Variants in NKAIN2 observed in about 807,000 individuals in gnomAD.
NKAIN2 encodes sodium/potassium-transporting ATPase subunit beta-1-interacting protein 2.
Under a neutral mutation model 32.6 loss-of-function variants are expected in NKAIN2, and 14 were observed. That is an observed-to-expected ratio of 0.43 (90% CI 0.28 to 0.67). The LOEUF (loss-of-function observed/expected upper bound fraction) is 0.67, where lower values mean the gene tolerates loss of function less well. Ranked by LOEUF, NKAIN2 falls within the 30% of genes least tolerant of loss-of-function variation. The pLI, the probability that NKAIN2 is intolerant of heterozygous loss-of-function variation, is 0.17. For missense variants in NKAIN2, 198 were observed against 258.3 expected (o/e 0.77, Z 1.60); for synonymous variants, 80 against 87.2 (o/e 0.92, Z 0.46).
At chr6:124,393,268 A>G (rs544878193) in intron 3 of NKAIN2, among the ~76,000 whole-genome samples, 2 of 152,120 alleles carry the variant, frequency 1.3e-5, no homozygotes, top group African/African-American at 4.8e-5. Context: ...CATTAGCATC[A>G]TCGTTACACA....
intron 5 of NKAIN2, among the ~76,000 whole-genome samples, chr6:124,797,845 A>G (rs1780071009): frequency 6.6e-6 from 1 of 152,162 alleles, no homozygotes; most frequent in Admixed American, 6.6e-5. Context: ...TCCCCTTGAA[A>G]AAAATATTTG....
At chr6:124,616,297 T>C (rs1249831813) in intron 3 of NKAIN2, among the ~76,000 whole-genome samples, 1 of 152,088 alleles carries the variant, frequency 6.6e-6, no homozygotes, top group Non-Finnish European at 1.5e-5. Flanking sequence ...AGTTGTTATT[T>C]GCAGGAAGTG....
chr6:124,380,231 C>T (rs62434754), intron 3 of NKAIN2, among the ~76,000 whole-genome samples: 3,665 of 152,140 alleles, frequency 0.024, 96 homozygotes, highest in Non-Finnish European at 0.034. Context: ...CATTTAGGTT[C>T]GGGATTTCCT....
At chr6:124,345,485 G>C (rs1027134536) in intron 2 of NKAIN2, among the ~76,000 whole-genome samples, 2 of 152,040 alleles carry the variant, frequency 1.3e-5, no homozygotes, top group Non-Finnish European at 2.9e-5. Flanking sequence ...TGGTTGGTAA[G>C]CTATTGATTA....
At chr6:123,972,946 T>C (rs1778408320) in intron 1 of NKAIN2, among the ~76,000 whole-genome samples, 1 of 152,148 alleles carries the variant, frequency 6.6e-6, no homozygotes. Context: ...AAAATTAATA[T>C]AATCAAATAA....
chr6:124,602,488 A>C (rs1170316394), intron 3 of NKAIN2, among the ~76,000 whole-genome samples: 3 of 152,006 alleles, frequency 2.0e-5, no homozygotes, highest in African/African-American at 7.2e-5. Flanking sequence ...TGAGAATTGA[A>C]ACAAAGGCAT....
chr6:124,379,870 T>C (rs531699356), intron 3 of NKAIN2, among the ~76,000 whole-genome samples: 191 of 152,172 alleles, frequency 1.3e-3, no homozygotes, highest in African/African-American at 4.4e-3. Context: ...AATTTCCTTG[T>C]TAGTTTGACT....
At chr6:123,983,447 A>T (rs1161288541) in intron 1 of NKAIN2, among the ~76,000 whole-genome samples, 1 of 152,212 alleles carries the variant, frequency 6.6e-6, no homozygotes, top group Non-Finnish European at 1.5e-5. Flanking sequence ...CTATGTCTGC[A>T]GACATCTGTG....
chr6:124,356,568 TTG>T (rs1230411081), intron 3 of NKAIN2, among the ~76,000 whole-genome samples: 1 of 152,106 alleles, frequency 6.6e-6, no homozygotes, highest in African/African-American at 2.4e-5. Context: ...AGGATGCCAT[TTG>T]TGTGTTTTTT....
chr6:124,265,760 A>G (rs1224396528), intron 1 of NKAIN2, among the ~76,000 whole-genome samples: 1 of 150,686 alleles, frequency 6.6e-6, no homozygotes, highest in East Asian at 1.9e-4. Context: ...CAAGGCAATC[A>G]GCCCCCTTGG....
chr6:124,733,420 G>T (rs1472166886), intron 4 of NKAIN2, among the ~76,000 whole-genome samples: 1 of 151,868 alleles, frequency 6.6e-6, no homozygotes, highest in Non-Finnish European at 1.5e-5. Context: ...ACTAAAGAGA[G>T]TGATCAGAAA....
At chr6:124,727,699 A>T (rs1165618837) in intron 4 of NKAIN2, among the ~76,000 whole-genome samples, 2 of 150,588 alleles carry the variant, frequency 1.3e-5, no homozygotes, top group Non-Finnish European at 3.0e-5. Flanking sequence ...TCAAATTCAC[A>T]CATAACAATA....
At chr6:124,031,303 T>C (rs1334794048) in intron 1 of NKAIN2, among the ~76,000 whole-genome samples, 1 of 152,150 alleles carries the variant, frequency 6.6e-6, no homozygotes, top group African/African-American at 2.4e-5. Context: ...CTTTCTTTTC[T>C]TCTTTATTAG....
chr6:124,107,794 C>G (rs1785189799), intron 1 of NKAIN2, among the ~76,000 whole-genome samples: 1 of 152,104 alleles, frequency 6.6e-6, no homozygotes, highest in Admixed American at 6.6e-5. Flanking sequence ...CTGCCCTTTT[C>G]TGCCTGGCTT....
In NKAIN2 at chr6:124,732,382, G is replaced by A. The variant is rs565144318; in HGVS notation, c.475-58957G>A. On this transcript the variant is annotated intron_variant, in intron 4 of 6. Coordinates refer to ENST00000368417, the MANE Select transcript of NKAIN2 (RefSeq NM_001040214.3). ...TGAAATCCCAGGGAAGTTAGCAAAGGCTAAGGCTAAGAGGCAAATAAGGAC... is the reference window on the plus strand; with the variant it reads ...TGAAATCCCAGGGAAGTTAGCAAAGACTAAGGCTAAGAGGCAAATAAGGAC... 4.6e-5 allele frequency among the ~76,000 whole-genome samples: 7 copies of A among 152,148 alleles called. No individual in the cohort carries two copies. The East Asian group carries it at 1.2e-3, about 25-fold the overall frequency.
chr6:124,373,110 T>C (rs1282405163), intron 3 of NKAIN2, among the ~76,000 whole-genome samples: 2 of 152,114 alleles, frequency 1.3e-5, no homozygotes, highest in Non-Finnish European at 2.9e-5. Flanking sequence ...TTGGCTTTGA[T>C]TGAGAAAGCA....
At chr6:123,940,087 T>A (rs1455681047) in intron 1 of NKAIN2, among the ~76,000 whole-genome samples, 1 of 151,724 alleles carries the variant, frequency 6.6e-6, no homozygotes, top group Non-Finnish European at 1.5e-5. Flanking sequence ...GAGAGAAGCA[T>A]ACATTAAAAA....
intron 1 of NKAIN2, among the ~76,000 whole-genome samples, chr6:123,995,884 C>T (rs1414603547): frequency 2.6e-5 from 4 of 152,098 alleles, no homozygotes; most frequent in Admixed American, 1.3e-4. Context: ...TTATTACTGT[C>T]ATTGTTATTA....
chr6:124,501,215 T>A (rs936300879), intron 3 of NKAIN2, among the ~76,000 whole-genome samples: 1 of 152,096 alleles, frequency 6.6e-6, no homozygotes, highest in Non-Finnish European at 1.5e-5. Flanking sequence ...TGGACACAGA[T>A]AACTGATCAC....
Sources: allele counts gnomAD v4.1 joint callset (sites outside exome capture counted in the v4.1 genomes callset), GRCh38; gene constraint gnomAD v4.1.1; transcripts MANE v1.5; gene names NCBI Gene and HGNC (gene_info 2026-07-23, HGNC 2026-07-21).